Variants in SMYD1 observed in about 807,000 individuals in gnomAD.
The protein encoded by SMYD1 is histone-lysine N-methyltransferase SMYD1.
SMYD1 carries 49 observed loss-of-function variants against 54.0 expected under a neutral mutation model. The ratio of observed to expected loss-of-function variants is 0.91; its 90% CI spans 0.72 to 1.15. SMYD1 has a LOEUF of 1.15. Among genes scored for constraint, SMYD1 ranks in the 50% most tolerant of loss-of-function variants. The pLI, the probability that SMYD1 is intolerant of heterozygous loss-of-function variation, is 0.00. For synonymous variants in SMYD1, 269 were observed against 234.2 expected (o/e 1.15, Z -1.36); for missense variants, 653 against 639.6 (o/e 1.02, Z -0.23).
At chr2:88,077,845 TC>T (rs1160411420) in intron 1 of SMYD1, among the ~76,000 whole-genome samples, 1 of 150,448 alleles carries the variant, frequency 6.6e-6, no homozygotes, top group African/African-American at 2.4e-5. Context: ...TGCCTCAGCC[TC>T]CCTAGTAACT....
At chr2:88,100,226 A>C (rs892787698) in intron 6 of SMYD1, among the ~76,000 whole-genome samples, 10 of 152,180 alleles carry the variant, frequency 6.6e-5, no homozygotes, top group Admixed American at 3.9e-4. Context: ...GAGTAGATTT[A>C]TCACATGTTG....
chr2:88,110,286 G>T, intron 9 of SMYD1, 68 bp from the exon 10 acceptor site: 1 of 1,490,634 alleles, frequency 6.7e-7, no homozygotes, highest in Non-Finnish European at 9.0e-7. Context: ...TTTACCCCAA[G>T]GTATATCAGA....
intron 6 of SMYD1, 108 bp downstream of exon 6, chr2:88,096,892 G>A: frequency 2.6e-6 from 3 of 1,133,196 alleles, no homozygotes; most frequent in Non-Finnish European, 3.7e-6. Context: ...TTCCTAGGGA[G>A]CAACTGTCAC....
At chr2:88,072,205 T>C (rs1321848751) in intron 1 of SMYD1, among the ~76,000 whole-genome samples, 4 of 152,116 alleles carry the variant, frequency 2.6e-5, no homozygotes, top group African/African-American at 7.2e-5. Flanking sequence ...GGCTGGAGTG[T>C]AGTGGTGAGA....
chr2:88,110,525 G>A lies in SMYD1; in HGVS notation c.*13G>A. On this transcript the variant is annotated 3_prime_UTR_variant, in exon 10 of 10. Transcript: ENST00000419482. ...CAAGAAGCAATGAGGACTGCCCAGT[G>A]GAGGAGGGGCGATGTGGCTGGGGAG... The A allele has an allele frequency of 6.4e-7, 1 of 1,550,846 alleles. No individual in the cohort carries two copies. Among genetic ancestry groups the A allele is most frequent in the East Asian group, 2.4e-5 (1 of 42,204 alleles).
chr2:88,091,017 C>T lies in SMYD1; in HGVS notation c.534C>T (p.Asn178=), dbSNP rs1273225873. Residue 178 remains asparagine (N), a synonymous_variant, in exon 4 of 10, where the codon AAC becomes AAT. Coordinates refer to ENST00000419482, the MANE Select transcript of SMYD1 (RefSeq NM_198274.4). ...QYISHIFGVI[N]CNGFTLSDQR... is the part of the protein sequence containing the mutation. ...TCATCTTTTCCCCTGGGTAGATTAA[C>T]TGCAACGGTTTTACTCTCAGTGATC... 6.2e-7 allele frequency: 1 copy of T among 1,613,106 alleles called. No homozygotes were observed. The highest frequency in any genetic ancestry group is 1.7e-5 in the Admixed American group (1 of 59,904).
At position 88,096,671 on chromosome 2, in the gene SMYD1, A is replaced by C. The variant is rs1674596633; in HGVS notation, c.775A>C (p.Ser259Arg). The C allele has an allele frequency of 1.2e-6, 2 of 1,614,056 alleles. No individual in the cohort carries two copies. Among genetic ancestry groups the C allele is most frequent in the African/African-American group, 2.7e-5 (2 of 74,924 alleles). Residue 259 changes from serine (S) to arginine (R), a missense_variant, in exon 6 of 10, where the codon AGT (serine) becomes CGT (arginine). Physicochemically the swap from Ser to Arg is moderately radical, Grantham distance 110. Transcript: ENST00000419482. ...GTCCTATATTGACTTCCTCAACGTT[A>C]GTGAAGAACGCAAGAGGCAGCTGAA... is the stretch of plus-strand genomic sequence containing the variant. ...TVSYIDFLNVSEERKRQLKKQ... is the reference protein window; with the variant it reads ...TVSYIDFLNVREERKRQLKKQ...
At chr2:88,095,412 A>C (rs928147383) in intron 5 of SMYD1, among the ~76,000 whole-genome samples, 2 of 152,206 alleles carry the variant, frequency 1.3e-5, no homozygotes, top group African/African-American at 4.8e-5. Flanking sequence ...GTCACCTCAG[A>C]TGCCTGGATA....
intron 1 of SMYD1, among the ~76,000 whole-genome samples, chr2:88,069,981 T>A (rs1452983508): frequency 1.3e-5 from 2 of 152,206 alleles, no homozygotes; most frequent in Non-Finnish European, 2.9e-5. Flanking sequence ...TCATTTGAAG[T>A]AACAACTATA....
At chr2:88,106,812 G>T (rs1355987865) in intron 8 of SMYD1, among the ~76,000 whole-genome samples, 1 of 152,076 alleles carries the variant, frequency 6.6e-6, no homozygotes, top group Admixed American at 6.5e-5. Context: ...ATTGGACCCT[G>T]CCCTCCACCC....
intron 3 of SMYD1, among the ~76,000 whole-genome samples, chr2:88,089,774 T>A: frequency 6.6e-6 from 1 of 151,326 alleles, no homozygotes. Flanking sequence ...TTTTTTTTTA[T>A]AGAAGCAGGG....
At chr2:88,078,546 C>G (rs1573103344) in intron 1 of SMYD1, among the ~76,000 whole-genome samples, 1 of 152,220 alleles carries the variant, frequency 6.6e-6, no homozygotes, top group South Asian at 2.1e-4. Flanking sequence ...CCATAATACC[C>G]AACCCCATGC....
intron 1 of SMYD1, among the ~76,000 whole-genome samples, chr2:88,080,251 CACCTAGGTGATT>C (rs1186221618): frequency 1.3e-5 from 2 of 152,274 alleles, no homozygotes; most frequent in Middle Eastern, 3.4e-3. Flanking sequence ...TCTAAGTGTT[CACCTAGGTGATT>C]ACCTAGGTGA....
chr2:88,112,067 C>T lies in SMYD1; in HGVS notation c.*1555C>T. 1.4e-6 allele frequency: 1 copy of T among 703,172 alleles called. No individual in the cohort carries two copies. The highest frequency in any genetic ancestry group is 1.7e-5 in the African/African-American group (1 of 57,368). The allele number at this position is 703,172 out of a possible 1,614,324, so 43.6% of individuals were successfully genotyped here. A position where few individuals can be genotyped will look rare whatever the true frequency, so the allele number is the denominator to read the frequency against. On this transcript the variant is annotated 3_prime_UTR_variant, in exon 10 of 10. Coordinates refer to ENST00000419482, the MANE Select transcript of SMYD1 (RefSeq NM_198274.4). The stretch of plus-strand genomic sequence containing the variant: ...TTTTGCAAAATACTTGTATCTGACA[C>T]TTAGGTCTTGTTTGAAGAATTTCCT...
chr2:88,091,721 G>A (rs74195454), intron 4 of SMYD1, among the ~76,000 whole-genome samples: 2 of 152,008 alleles, frequency 1.3e-5, no homozygotes, highest in Non-Finnish European at 2.9e-5. Flanking sequence ...TACATTAGCC[G>A]GGCATGGTGG....
intron 2 of SMYD1, among the ~76,000 whole-genome samples, chr2:88,085,489 G>A (rs1356779231): frequency 6.6e-6 from 1 of 152,212 alleles, no homozygotes; most frequent in Non-Finnish European, 1.5e-5. Context: ...TGCATAGTGT[G>A]TGAAGTTAAG....
chr2:88,103,924 A>G (rs1674786854), intron 7 of SMYD1, among the ~76,000 whole-genome samples: 1 of 151,894 alleles, frequency 6.6e-6, no homozygotes, highest in Non-Finnish European at 1.5e-5. Flanking sequence ...TCACTAGGGC[A>G]TGCAGATTTG....
intron 5 of SMYD1, among the ~76,000 whole-genome samples, chr2:88,095,826 CA>C (rs1277031941): frequency 2.6e-5 from 4 of 152,180 alleles, no homozygotes; most frequent in Admixed American, 2.6e-4. Flanking sequence ...GTCAGTTCTG[CA>C]GTGGGTTTTT....
rs182133832 is a variant in SMYD1, at chr2:88,105,645, A to G, written c.982-680A>G. On this transcript the variant is annotated intron_variant, in intron 7 of 9. Transcript: ENST00000419482. The stretch of plus-strand genomic sequence containing the variant: ...TTGTATGATTCTTTCTTTCTTTTAA[A>G]ATATTTTTGGCCAGGTATGGTGGGG... Among the ~76,000 whole-genome samples the G allele has an allele frequency of 2.9e-4, 44 of 152,158 alleles. No homozygotes were observed. The East Asian group carries it at 7.5e-3, about 26-fold the overall frequency.
Sources: allele counts gnomAD v4.1 joint callset (sites outside exome capture counted in the v4.1 genomes callset), GRCh38; gene constraint gnomAD v4.1.1; transcripts MANE v1.5; gene names NCBI Gene and HGNC (gene_info 2026-07-23, HGNC 2026-07-21).